Variants in PROCR observed in about 807,000 individuals in gnomAD.
PROCR encodes protein C receptor.
A neutral mutation model predicts 24.2 loss-of-function variants in PROCR; 22 were observed. The observed-to-expected ratio is 0.91, with a 90% confidence interval of 0.65 to 1.30. The LOEUF (loss-of-function observed/expected upper bound fraction) is 1.30, where lower values mean the gene tolerates loss of function less well. Ranked by LOEUF, PROCR falls within the 50% of genes most tolerant of loss-of-function variation. The pLI is 0.00. For synonymous variants in PROCR, 137 were observed against 139.2 expected (o/e 0.98, Z 0.11); for missense variants, 288 against 307.7 (o/e 0.94, Z 0.48).
intron 1 of PROCR, among the ~76,000 whole-genome samples, chr20:35,201,093 T>C (rs1005754227): frequency 5.3e-5 from 8 of 152,216 alleles, no homozygotes; most frequent in East Asian, 1.9e-4. Context: ...AGTGTTTTAC[T>C]TGAAGTGTTA....
At chr20:35,181,381 TCTC>T (rs1288602198), downstream of PROCR, among the ~76,000 whole-genome samples, 1 of 151,642 alleles carries the variant, frequency 6.6e-6, no homozygotes, top group Non-Finnish European at 1.5e-5. Context: ...TTCAAGCTAT[TCTC>T]CTACCTCAGC....
At chr20:35,195,339 C>A (rs1161504235) in intron 1 of PROCR, 2 of 152,056 alleles carry the variant, frequency 1.3e-5, no homozygotes, top group African/African-American at 4.8e-5. Flanking sequence ...TGCACCTAAT[C>A]TTGTCTAATT....
chr20:35,175,898 T>G (rs967920023), intron 2 of PROCR, among the ~76,000 whole-genome samples: 1 of 148,546 alleles, frequency 6.7e-6, no homozygotes, highest in Non-Finnish European at 1.5e-5. Flanking sequence ...CCTCACCCCC[T>G]GTTTTTTTTT....
At chr20:35,175,891 C>A (rs570295953) in intron 2 of PROCR, among the ~76,000 whole-genome samples, 1 of 150,256 alleles carries the variant, frequency 6.7e-6, no homozygotes, top group Non-Finnish European at 1.5e-5. Context: ...GCCCCAGCCT[C>A]ACCCCCTGTT....
intron 1 of PROCR, among the ~76,000 whole-genome samples, chr20:35,200,670 C>T (rs773284814): frequency 2.0e-5 from 3 of 152,016 alleles, no homozygotes; most frequent in East Asian, 1.9e-4. Flanking sequence ...TCTTTTTAGA[C>T]GAACTCTTTG....
intron 1 of PROCR, among the ~76,000 whole-genome samples, chr20:35,214,457 C>T (rs1038718490): frequency 2.0e-5 from 3 of 152,030 alleles, no homozygotes; most frequent in Non-Finnish European, 4.4e-5. Context: ...GAGTCCAAGG[C>T]GGGTGGATCA....
At chr20:35,195,931 A>G (rs551785337) in intron 1 of PROCR, among the ~76,000 whole-genome samples, 1 of 152,084 alleles carries the variant, frequency 6.6e-6, no homozygotes, top group South Asian at 2.1e-4. Flanking sequence ...CTGTAAGCTC[A>G]GCACTTTGGG....
chr20:35,205,473 C>T (rs1051821528), intron 1 of PROCR, among the ~76,000 whole-genome samples: 46 of 145,908 alleles, frequency 3.2e-4, no homozygotes, highest in Non-Finnish European at 6.5e-4. Flanking sequence ...ATATATTGGC[C>T]GGGCGCAGTG....
intron 1 of PROCR, among the ~76,000 whole-genome samples, chr20:35,194,928 C>A (rs2086203312): frequency 6.6e-6 from 1 of 152,072 alleles, no homozygotes; most frequent in Non-Finnish European, 1.5e-5. Context: ...AGATACAATC[C>A]AAAATTACTT....
At chr20:35,207,060 A>G (rs2060345333) in intron 1 of PROCR, among the ~76,000 whole-genome samples, 1 of 152,212 alleles carries the variant, frequency 6.6e-6, no homozygotes, top group African/African-American at 2.4e-5. Flanking sequence ...TCTTAAATCC[A>G]TTATGCCAAG....
intron 1 of PROCR, among the ~76,000 whole-genome samples, chr20:35,186,518 A>G (rs1019934690): frequency 6.7e-6 from 1 of 149,876 alleles, no homozygotes; most frequent in Non-Finnish European, 1.5e-5. Flanking sequence ...GTGAGCCAAG[A>G]TCGCGCCATT....
At chr20:35,173,323 C>T (rs2085968373) in intron 1 of PROCR, among the ~76,000 whole-genome samples, 1 of 151,528 alleles carries the variant, frequency 6.6e-6, no homozygotes, top group Non-Finnish European at 1.5e-5. Flanking sequence ...TCTGGGATCA[C>T]TGAAACAGAC....
intron 1 of PROCR, among the ~76,000 whole-genome samples, chr20:35,203,747 A>G (rs2060327699): frequency 6.6e-6 from 1 of 152,178 alleles, no homozygotes; most frequent in South Asian, 2.1e-4. Context: ...CTGACTGAAC[A>G]TCAAAACAAA....
intron 1 of PROCR, among the ~76,000 whole-genome samples, chr20:35,206,474 C>CA (rs34186603): frequency 0.32 from 22,145 of 68,380 alleles, 3,767 homozygotes; most frequent in East Asian, 0.55. Flanking sequence ...GACTCTATCT[C>CA]AAAAAAAAAA....
In PROCR at chr20:35,172,075, T is replaced by C; in HGVS notation, c.-80T>C. ...CCGCCCCTCCCAGACGGTCCTCACT[T>C]CTCTTTTCCCTAGACTGCAGCCAGC... On this transcript the variant is annotated 5_prime_UTR_variant, in exon 1 of 4. Transcript: ENST00000216968. 7.1e-7 allele frequency: 1 copy of C among 1,400,686 alleles called. No homozygotes were observed. Among genetic ancestry groups the C allele is most frequent in the Non-Finnish European group, 1.0e-6 (1 of 986,716 alleles). The allele number at this position is 1,400,686 out of a possible 1,614,324, so 86.8% of individuals were successfully genotyped here.
At chr20:35,175,518 C>T (rs1442541634) in intron 2 of PROCR, among the ~76,000 whole-genome samples, 1 of 151,134 alleles carries the variant, frequency 6.6e-6, no homozygotes, top group Non-Finnish European at 1.5e-5. Context: ...CACTCCGTCC[C>T]CCTTCCCCCA....
intron 1 of PROCR, among the ~76,000 whole-genome samples, chr20:35,215,737 A>G (rs951601923): frequency 6.6e-6 from 1 of 152,126 alleles, no homozygotes; most frequent in Non-Finnish European, 1.5e-5. Context: ...TTCACAGGAC[A>G]GTGGTGAGGA....
At chr20:35,206,659 T>C (rs1304664515) in intron 1 of PROCR, among the ~76,000 whole-genome samples, 2 of 152,116 alleles carry the variant, frequency 1.3e-5, no homozygotes, top group East Asian at 3.9e-4. Context: ...CACAGTAAGG[T>C]ATGTCTATAC....
At position 35,207,067 on chromosome 20, in the gene PROCR, C is replaced by T. The variant is rs11696786; in HGVS notation, c.95-8826C>T. ...TGGATGAATCTTAAATCCATTATGC[C>T]AAGTGAAAGAAGCCAAATTCAAAAT... On this transcript the variant is annotated intron_variant, in intron 1 of 1. Coordinates refer to the PROCR transcript ENST00000634509. 1.8e-3 allele frequency among the ~76,000 whole-genome samples: 269 copies of T among 152,156 alleles called. 1 individual carries two copies. The Middle Eastern group carries it at 0.041, about 23-fold the overall frequency.
Sources: allele counts gnomAD v4.1 joint callset (sites outside exome capture counted in the v4.1 genomes callset), GRCh38; gene constraint gnomAD v4.1.1; transcripts MANE v1.5; gene names NCBI Gene and HGNC (gene_info 2026-07-23, HGNC 2026-07-21).